Variants in CD86 observed in about 807,000 individuals in gnomAD.
CD86 encodes T-lymphocyte activation antigen CD86.
Under a neutral mutation model 32.1 loss-of-function variants are expected in CD86, and 11 were observed. The ratio of observed to expected loss-of-function variants is 0.34; its 90% CI spans 0.22 to 0.57. The LOEUF (loss-of-function observed/expected upper bound fraction) is 0.57. Ranked by LOEUF, CD86 falls within the 20% of genes least tolerant of loss-of-function variation. The probability of loss-of-function intolerance (pLI) is 0.86; values close to 1 mark genes in which losing one functional copy is unlikely to be tolerated. For synonymous variants in CD86, 137 were observed against 135.3 expected (o/e 1.01, Z -0.09); for missense variants, 359 against 398.4 (o/e 0.90, Z 0.84).
chr3:122,070,795 C>T lies in CD86; in HGVS notation c.14+15292C>T, dbSNP rs570187322. The stretch of plus-strand genomic sequence containing the variant: ...TTTTGCAGCAACGTTCTATGTATAG[C>T]ATTGATTCCAAGGGTGCAACATAGG... On this transcript the variant is annotated intron_variant, in intron 1 of 6. Transcript: ENST00000330540. Among the ~76,000 whole-genome samples, 64 of 152,278 alleles carry T rather than the reference C, an allele frequency of 4.2e-4. 1 individual carries two copies. Among genetic ancestry groups the T allele is most frequent in the South Asian group, 3.1e-3 (15 of 4,824 alleles).
rs568942894 is a variant in CD86 at position 122,067,868 on chromosome 3, C to T, written c.14+12365C>T. On this transcript the variant is annotated intron_variant, in intron 1 of 6. Coordinates refer to ENST00000330540, the MANE Select transcript of CD86 (RefSeq NM_175862.5). ...AATGCCTCTTGTGTGGTGGCAGACC[C>T]TTCAAGTCTTCCAGATAAAGCATGT... Among the ~76,000 whole-genome samples the T allele has an allele frequency of 2.0e-5, 3 of 152,276 alleles. No individual in the cohort carries two copies. In the South Asian group the frequency reaches 6.2e-4, roughly 32 times the overall value.
At chr3:122,108,839 A>G (rs1470932196) in intron 4 of CD86, among the ~76,000 whole-genome samples, 1 of 152,180 alleles carries the variant, frequency 6.6e-6, no homozygotes, top group Non-Finnish European at 1.5e-5. Context: ...TGGAGATTAT[A>G]GTGGACAGAA....
chr3:122,058,566 G>A (rs1576753977), intron 1 of CD86, among the ~76,000 whole-genome samples: 1 of 152,092 alleles, frequency 6.6e-6, no homozygotes, highest in Admixed American at 6.5e-5. Flanking sequence ...ATAGACAAAT[G>A]GGGTCTAGGT....
chr3:122,118,186 C>T, intron 6 of CD86, 93 bp downstream of exon 6: 1 of 1,000,040 alleles, frequency 1.0e-6, no homozygotes. Flanking sequence ...TATGTTGAGA[C>T]CTCAGCAAAC....
intron 5 of CD86, among the ~76,000 whole-genome samples, chr3:122,111,947 G>T (rs932621725): frequency 6.6e-6 from 1 of 152,148 alleles, no homozygotes; most frequent in South Asian, 2.1e-4. Flanking sequence ...CCCAGTTTAG[G>T]CTGTTTAAAT....
intron 1 of CD86, among the ~76,000 whole-genome samples, chr3:122,076,691 G>T (rs564069045): frequency 2.0e-5 from 3 of 152,178 alleles, no homozygotes; most frequent in Admixed American, 6.6e-5. Flanking sequence ...TTGTGCAAAG[G>T]TCAAAGTAAG....
In CD86 at chr3:122,091,955, G is replaced by C. The variant is rs565497147; in HGVS notation, c.64+305G>C. On this transcript the variant is annotated intron_variant, in intron 2 of 6. Transcript: ENST00000330540. ...GCCCATCCCATGGGGATGGGGGAAG[G>C]CTGCTGCACTGAGGCCCCTGAGACT... The C allele has an allele frequency of 2.0e-5, 6 of 303,010 alleles. No individual in the cohort carries two copies. In the Admixed American group the frequency reaches 2.2e-4, roughly 11 times the overall value. 18.8% of individuals were successfully genotyped at this position (303,010 alleles called of 1,614,324 possible).
intron 1 of CD86, among the ~76,000 whole-genome samples, chr3:122,089,005 A>G (rs868855952): frequency 2.0e-5 from 3 of 152,238 alleles, no homozygotes; most frequent in Middle Eastern, 3.2e-3. Context: ...CTTAGAAAGA[A>G]AGGAAATTCA....
intron 1 of CD86, among the ~76,000 whole-genome samples, chr3:122,058,548 G>C (rs925537788): frequency 6.6e-6 from 1 of 152,114 alleles, no homozygotes; most frequent in African/African-American, 2.4e-5. Flanking sequence ...CAAGACCTGG[G>C]TAATTAAATA....
chr3:122,083,118 C>T (rs1166944719), intron 1 of CD86, among the ~76,000 whole-genome samples: 2 of 152,346 alleles, frequency 1.3e-5, no homozygotes, highest in South Asian at 4.1e-4. Context: ...CAGCCATCTT[C>T]TTTCACTCAA....
intron 1 of CD86, among the ~76,000 whole-genome samples, chr3:122,076,377 T>C (rs2072555823): frequency 6.6e-6 from 1 of 152,234 alleles, no homozygotes; most frequent in Non-Finnish European, 1.5e-5. Flanking sequence ...TATGAGTTAC[T>C]TCCCCTGTGC....
intron 5 of CD86, among the ~76,000 whole-genome samples, chr3:122,111,103 A>C (rs1262052077): frequency 1.3e-5 from 2 of 152,228 alleles, no homozygotes; most frequent in African/African-American, 4.8e-5. Flanking sequence ...TGGCACATAC[A>C]TGACCCCTAA....
At chr3:122,117,942 C>A in intron 5 of CD86, 106 bp from the exon 6 acceptor site, 1 of 900,954 alleles carries the variant, frequency 1.1e-6, no homozygotes, top group Non-Finnish European at 1.8e-6. Flanking sequence ...TATAAAGTCA[C>A]AACAATTTCT....
intron 3 of CD86, 125 bp from the exon 4 acceptor site, chr3:122,106,073 T>G (rs1009457038): frequency 1.5e-6 from 1 of 663,326 alleles, no homozygotes; most frequent in African/African-American, 1.8e-5. Flanking sequence ...GGTCACATTT[T>G]AGACACCCTG....
At chr3:122,093,450 A>C (rs1322567368) in intron 2 of CD86, among the ~76,000 whole-genome samples, 1 of 152,212 alleles carries the variant, frequency 6.6e-6, no homozygotes, top group Non-Finnish European at 1.5e-5. Context: ...GTCCTTACAC[A>C]AAACTAGATA....
chr3:122,080,100 G>A (rs1156768584), intron 1 of CD86, among the ~76,000 whole-genome samples: 1 of 152,048 alleles, frequency 6.6e-6, no homozygotes, highest in East Asian at 1.9e-4. Context: ...TGAAATGTTG[G>A]CTTCCTCTCT....
In CD86 at chr3:122,103,873, G is replaced by A. The variant is rs1410858066; in HGVS notation, c.400+26G>A. The A allele has an allele frequency of 1.9e-6, 3 of 1,567,134 alleles. No individual in the cohort carries two copies. In the African/African-American group the frequency reaches 4.1e-5, roughly 21 times the overall value. On this transcript the variant is annotated intron_variant, in intron 3 of 6. Transcript: ENST00000330540. ...GTATGTGGTCAATGGTGTGTGTTCAGATTCTTAGCCTTCTCAGATGAGACT... is the reference window on the plus strand; with the variant it reads ...GTATGTGGTCAATGGTGTGTGTTCAAATTCTTAGCCTTCTCAGATGAGACT...
chr3:122,075,872 A>C (rs997805326), intron 1 of CD86, among the ~76,000 whole-genome samples: 1 of 152,250 alleles, frequency 6.6e-6, no homozygotes, highest in Non-Finnish European at 1.5e-5. Context: ...CTTGTTTTTT[A>C]AGAGCCTACT....
chr3:122,084,659 G>A (rs1192103577), intron 1 of CD86, among the ~76,000 whole-genome samples: 1 of 152,142 alleles, frequency 6.6e-6, no homozygotes, highest in African/African-American at 2.4e-5. Flanking sequence ...TGATGGTCTC[G>A]GGGTAGTGGG....
Sources: gnomAD v4.1 joint callset for allele counts (sites outside exome capture counted in the v4.1 genomes callset) on GRCh38, gnomAD v4.1.1 for gene constraint, MANE v1.5 for transcripts, NCBI Gene and HGNC (gene_info 2026-07-23, HGNC 2026-07-21) for gene names.